The following ERMP1 variants were observed in gnomAD, a reference collection of about 807,000 sequenced individuals.
ERMP1 encodes the protein Felix-ina.
ERMP1 carries 86 observed loss-of-function variants against 92.0 expected under a neutral mutation model. That is an observed-to-expected ratio of 0.93 (90% CI 0.79 to 1.12). The LOEUF (loss-of-function observed/expected upper bound fraction) is 1.12. Among genes scored for constraint, ERMP1 ranks in the 50% most tolerant of loss-of-function variants. ERMP1 has a pLI of 0.00. For missense variants in ERMP1, 1,342 were observed against 1,116.3 expected (o/e 1.20, Z -2.88); for synonymous variants, 530 against 412.8 (o/e 1.28, Z -3.44).
chr9:5,834,709 G>A (rs1038864208), upstream of ERMP1, among the ~76,000 whole-genome samples: 538 of 143,240 alleles, frequency 3.8e-3, no homozygotes, highest in African/African-American at 0.014. Context: ...ATATATGTGT[G>A]TGTGTGTGTG....
At position 5,832,953 on chromosome 9, in the gene ERMP1, G is replaced by T. The variant is rs1449297964; in HGVS notation, c.75C>A (p.Ala25=). 6.4e-7 allele frequency: 1 copy of T among 1,562,344 alleles called. No homozygotes were observed. Among genetic ancestry groups the T allele is most frequent in the East Asian group, 2.5e-5 (1 of 40,096 alleles). ...GGGCCTCCCTCTCCGGCGGTGGCGC[G>T]GCCGCCGCTCCCTCTCGACGCTCTA... The part of the protein sequence containing the change: ...VGVERREGAA[A]APPPEREARA... Residue 25 remains alanine (A), a synonymous_variant, in exon 1 of 15, where the codon GCC becomes GCA. Transcript: ENST00000339450.
chr9:5,842,605 T>C (rs1830180640), intron 6 of ERMP1, among the ~76,000 whole-genome samples: 1 of 152,188 alleles, frequency 6.6e-6, no homozygotes, highest in African/African-American at 2.4e-5. Flanking sequence ...AACTTATTAA[T>C]TGTATATTAT....
intron 5 of ERMP1, among the ~76,000 whole-genome samples, chr9:5,864,276 G>A (rs10758712): frequency 6.6e-6 from 1 of 151,802 alleles, no homozygotes; most frequent in African/African-American, 2.4e-5. Context: ...TGTTCCTCTA[G>A]TCTCCCTATC....
At chr9:5,820,566 A>C (rs1269383152) in intron 4 of ERMP1, among the ~76,000 whole-genome samples, 1 of 152,216 alleles carries the variant, frequency 6.6e-6, no homozygotes, top group Non-Finnish European at 1.5e-5. Context: ...GATAAAATCA[A>C]GTCATTCTTT....
intron 1 of ERMP1, 36 bp downstream of exon 1, chr9:5,832,654 G>T: frequency 7.3e-7 from 1 of 1,362,958 alleles, no homozygotes; most frequent in South Asian, 1.7e-5. Flanking sequence ...GCCGCAAACG[G>T]ACGCGCGGGC....
Position 5,787,553 on chromosome 9 carries a change from C to T in ERMP1, c.2427G>A (p.Gly809=), listed in dbSNP as rs62638707. 1.0e-3 allele frequency: 1,675 copies of T among 1,613,956 alleles called. 24 individuals carry two copies. The African/African-American group carries it at 0.019, about 18-fold the overall frequency. The part of the protein sequence containing the change: ...HMSFYVRAHK[G]STLSQWSLGN... The stretch of plus-strand genomic sequence containing the variant: ...CAAGAGACCACTGAGAAAGTGTTGA[C>T]CCTTTGTGGGCTCGAACATAGAAGG... The change falls in exon 14 of 15, where the codon GGG becomes GGA. Residue 809 remains glycine, a synonymous_variant. Coordinates refer to ENST00000339450, the MANE Select transcript of ERMP1 (RefSeq NM_024896.3).
At chr9:5,819,584 T>A (rs1255785470) in intron 4 of ERMP1, among the ~76,000 whole-genome samples, 1 of 152,188 alleles carries the variant, frequency 6.6e-6, no homozygotes, top group African/African-American at 2.4e-5. Context: ...TCTTCATTTT[T>A]CCTATAAAAA....
At chr9:5,823,090 G>C (rs1486619446) in intron 4 of ERMP1, among the ~76,000 whole-genome samples, 2 of 152,100 alleles carry the variant, frequency 1.3e-5, no homozygotes, top group Non-Finnish European at 2.9e-5. Context: ...TTTGAGACCA[G>C]CCTGGGAAAC....
intron 4 of ERMP1, among the ~76,000 whole-genome samples, chr9:5,820,805 G>T (rs962495970): frequency 2.6e-5 from 4 of 152,188 alleles, no homozygotes; most frequent in Non-Finnish European, 4.4e-5. Context: ...ACCCAGGAGG[G>T]CCTTTATCCT....
upstream of ERMP1, among the ~76,000 whole-genome samples, chr9:5,837,337 C>G (rs1388003879): frequency 6.6e-6 from 1 of 152,154 alleles, no homozygotes; most frequent in Admixed American, 6.5e-5. Flanking sequence ...ATATTACACA[C>G]ACATCCACAC....
At chr9:5,787,970 T>C (rs1199372823) in intron 13 of ERMP1, among the ~76,000 whole-genome samples, 2 of 152,200 alleles carry the variant, frequency 1.3e-5, no homozygotes, top group Admixed American at 6.5e-5. Flanking sequence ...ACTGCCATTA[T>C]GAATGGAGTT....
chr9:5,832,995 C>T lies in ERMP1; in HGVS notation c.33G>A (p.Arg11=). The change falls in exon 1 of 15, where the codon AGG becomes AGA. Residue 11 remains arginine (R), a synonymous_variant. Coordinates refer to ENST00000339450, the MANE Select transcript of ERMP1 (RefSeq NM_024896.3). MEWGSESAAV[R]RHRVGVERRE... ...GACGCTCTACTCCGACGCGGTGCCG[C>T]CTCACAGCAGCCGACTCAGAACCCC... The T allele has an allele frequency of 3.2e-6, 5 of 1,559,238 alleles. No individual in the cohort carries two copies. The highest frequency in any genetic ancestry group is 4.3e-6 in the Non-Finnish European group (5 of 1,163,630).
intron 5 of ERMP1, among the ~76,000 whole-genome samples, chr9:5,865,566 C>T (rs1350730251): frequency 6.6e-5 from 10 of 151,000 alleles, no homozygotes; most frequent in Middle Eastern, 7.0e-3. Context: ...GGCGCAGTGG[C>T]TCACGCCTGT....
intron 10 of ERMP1, among the ~76,000 whole-genome samples, chr9:5,801,817 A>AT (rs1828684714): frequency 6.6e-6 from 1 of 152,244 alleles, no homozygotes; most frequent in African/African-American, 2.4e-5. Flanking sequence ...GTGGACCTGC[A>AT]TAAGAGGAAA....
chr9:5,839,799 A>G (rs1231122692), intron 6 of ERMP1, among the ~76,000 whole-genome samples: 4 of 152,176 alleles, frequency 2.6e-5, no homozygotes, highest in African/African-American at 9.7e-5. Flanking sequence ...AAAGGAGAAA[A>G]GAGACAACAA....
chr9:5,844,300 G>T (rs1563779802), intron 6 of ERMP1, among the ~76,000 whole-genome samples: 1 of 152,128 alleles, frequency 6.6e-6, no homozygotes. Context: ...TCAAGACAGA[G>T]TCTTGCTCTG....
At position 5,811,147 on chromosome 9, in the gene ERMP1, A is replaced by G; in HGVS notation, c.1291T>C (p.Tyr431His). 1.2e-6 allele frequency: 2 copies of G among 1,614,022 alleles called. No individual in the cohort carries two copies. The highest frequency in any genetic ancestry group is 1.7e-6 in the Non-Finnish European group (2 of 1,179,936). The change falls in exon 7 of 15, where the codon TAC (tyrosine) becomes CAC (histidine). Residue 431 changes from tyrosine to histidine, a missense_variant. Physicochemically the swap from Tyr to His is moderately conservative, Grantham distance 83. Coordinates refer to ENST00000339450, the MANE Select transcript of ERMP1 (RefSeq NM_024896.3). ...NYMVVMGVVL[Y>H]LGKKFLQPKH... is the part of the protein sequence containing the mutation. ...GGCTGCAAAAATTTTTTGCCCAGGTACAAAACAACACCCATTACCACCATG... is the reference window on the plus strand; with the variant it reads ...GGCTGCAAAAATTTTTTGCCCAGGTGCAAAACAACACCCATTACCACCATG...
At chr9:5,797,508 C>A (rs1157073390) in intron 13 of ERMP1, among the ~76,000 whole-genome samples, 1 of 152,018 alleles carries the variant, frequency 6.6e-6, no homozygotes, top group Non-Finnish European at 1.5e-5. Context: ...ATTAGCCAGG[C>A]ATGGTGGCAC....
rs1021694310 is a variant in ERMP1 at position 5,830,996 on chromosome 9, G to A, written c.371C>T (p.Pro124Leu). 25 of 1,613,930 alleles carry A rather than the reference G, an allele frequency of 1.5e-5. No individual in the cohort carries two copies. The highest frequency in any genetic ancestry group is 2.1e-5 in the Non-Finnish European group (25 of 1,179,864). Residue 124 changes from proline to leucine, a missense_variant, in exon 2 of 15, where the codon CCC becomes CTC. By Grantham distance (98) the Pro-to-Leu change is moderately conservative. Coordinates refer to ENST00000339450, the MANE Select transcript of ERMP1 (RefSeq NM_024896.3). ...DYLEHITSIG[P>L]RTTGSPENEI... Reference sequence around the variant, plus strand: ...ATTTTCTGGACTTCCTGTAGTCCTGGGGCCAATGGAGGTTATGTGTTCAAG... The same window carrying A: ...ATTTTCTGGACTTCCTGTAGTCCTGAGGCCAATGGAGGTTATGTGTTCAAG...
Sources: gnomAD v4.1 joint callset for allele counts (sites outside exome capture counted in the v4.1 genomes callset) on GRCh38, gnomAD v4.1.1 for gene constraint, MANE v1.5 for transcripts, NCBI Gene and HGNC (gene_info 2026-07-23, HGNC 2026-07-21) for gene names.